MTMR2: variants seen among roughly 807,000 people sequenced by gnomAD.
MTMR2 encodes myotubularin related protein 2, also known as phosphatidylinositol-3,5-bisphosphate 3-phosphatase MTMR2.
In MTMR2, 55 loss-of-function variants were observed where a neutral mutation model predicts 86.9. The observed-to-expected ratio is 0.63, with a 90% CI of 0.51 to 0.79. MTMR2 has a LOEUF of 0.79. Among genes scored for constraint, MTMR2 ranks in the 30% least tolerant of loss-of-function variants. The pLI is 0.00. For synonymous variants in MTMR2, 241 were observed against 266.8 expected (o/e 0.90, Z 0.94); for missense variants, 659 against 772.3 (o/e 0.85, Z 1.74).
chr11:95,853,064 G>A (rs1864082604), intron 7 of MTMR2, among the ~76,000 whole-genome samples: 1 of 148,586 alleles, frequency 6.7e-6, no homozygotes, highest in South Asian at 2.1e-4. Context: ...TATATACACA[G>A]TTCACTGTAC....
At chr11:95,844,223 T>C (rs1412004424) in intron 11 of MTMR2, among the ~76,000 whole-genome samples, 2 of 152,178 alleles carry the variant, frequency 1.3e-5, no homozygotes, top group Admixed American at 6.5e-5. Context: ...GGCCGTTTCA[T>C]GATAAGTACA....
chr11:95,872,014 T>C (rs186547985), intron 2 of MTMR2, among the ~76,000 whole-genome samples: 33 of 152,348 alleles, frequency 2.2e-4, no homozygotes, highest in African/African-American at 7.5e-4. Context: ...TTTCTTGTTT[T>C]TGTCAGGTTT....
rs754277194 is a variant in MTMR2, at chr11:95,835,281, T to C, written c.*9A>G. 1.9e-6 allele frequency: 3 copies of C among 1,612,460 alleles called. No homozygotes were observed. The highest frequency in any genetic ancestry group is 2.5e-6 in the Non-Finnish European group (3 of 1,178,924). The stretch of plus-strand genomic sequence containing the variant: ...TGTATAGCAATGATGCCCCTGATCT[T>C]ACAGTCCTTTATACAACAGTTTGGA... On this transcript the variant is annotated 3_prime_UTR_variant, in exon 15 of 15. Transcript: ENST00000346299.
chr11:95,916,602 A>C (rs1291970022), intron 1 of MTMR2, among the ~76,000 whole-genome samples: 1 of 152,128 alleles, frequency 6.6e-6, no homozygotes, highest in Non-Finnish European at 1.5e-5. Flanking sequence ...TCCTATATTA[A>C]GCCACTGTCA....
intron 2 of MTMR2, among the ~76,000 whole-genome samples, chr11:95,867,560 A>G (rs1343147691): frequency 6.6e-6 from 1 of 152,208 alleles, no homozygotes; most frequent in East Asian, 1.9e-4. Context: ...GGCAATGAAA[A>G]GAAGCAATAC....
chr11:95,886,527 C>T (rs1235409891), intron 2 of MTMR2, among the ~76,000 whole-genome samples: 1 of 152,132 alleles, frequency 6.6e-6, no homozygotes, highest in African/African-American at 2.4e-5. Flanking sequence ...TTCATCTATC[C>T]ATTTTCAGCA....
At chr11:95,885,099 A>G (rs1312956423) in intron 2 of MTMR2, among the ~76,000 whole-genome samples, 1 of 152,110 alleles carries the variant, frequency 6.6e-6, no homozygotes, top group Non-Finnish European at 1.5e-5. Flanking sequence ...CTGCAAACAG[A>G]GCTGATGTAT....
intron 1 of MTMR2, among the ~76,000 whole-genome samples, chr11:95,891,346 G>C (rs1054862815): frequency 6.6e-6 from 1 of 151,954 alleles, no homozygotes; most frequent in Non-Finnish European, 1.5e-5. Context: ...AGCTACTCGG[G>C]AGGCTGAAGC....
intron 1 of MTMR2, among the ~76,000 whole-genome samples, chr11:95,918,914 G>A (rs1866809188): frequency 6.6e-6 from 1 of 152,122 alleles, no homozygotes; most frequent in Non-Finnish European, 1.5e-5. Context: ...ACAACCCACT[G>A]CAGCCTCAAC....
chr11:95,909,388 G>C (rs571692444), intron 1 of MTMR2, among the ~76,000 whole-genome samples: 46 of 152,210 alleles, frequency 3.0e-4, no homozygotes, highest in Admixed American at 2.5e-3. Context: ...ATGAAGTTTG[G>C]TACCTACTAC....
intron 1 of MTMR2, among the ~76,000 whole-genome samples, chr11:95,899,102 G>C (rs525087): frequency 6.6e-6 from 1 of 151,934 alleles, no homozygotes; most frequent in Non-Finnish European, 1.5e-5. Flanking sequence ...ACAATAAGTC[G>C]AAGAATAGAT....
chr11:95,875,141 CTGCCTTGCTAGATT>C (rs1865055598), intron 2 of MTMR2, among the ~76,000 whole-genome samples: 1 of 152,044 alleles, frequency 6.6e-6, no homozygotes, highest in African/African-American at 2.4e-5. Context: ...GAATGTTGGC[CTGCCTTGCTAGATT>C]GGGGAAGTTC....
intron 9 of MTMR2, among the ~76,000 whole-genome samples, 186 bp downstream of exon 9, chr11:95,849,488 A>G (rs768961433): frequency 9.2e-5 from 14 of 152,176 alleles, no homozygotes; most frequent in Non-Finnish European, 1.8e-4. Context: ...ATTTTTACCA[A>G]TAAACAAATT....
intron 2 of MTMR2, among the ~76,000 whole-genome samples, chr11:95,867,898 C>T (rs1864677070): frequency 6.6e-6 from 1 of 151,120 alleles, no homozygotes; most frequent in Non-Finnish European, 1.5e-5. Context: ...GAAAATAATT[C>T]TCTATAGGCA....
At chr11:95,917,555 C>T (rs941531075) in intron 1 of MTMR2, among the ~76,000 whole-genome samples, 5 of 152,068 alleles carry the variant, frequency 3.3e-5, no homozygotes, top group Non-Finnish European at 7.4e-5. Context: ...ATTTTGACTC[C>T]CCAAACTACT....
At chr11:95,899,139 G>A (rs543494817) in intron 1 of MTMR2, among the ~76,000 whole-genome samples, 1 of 152,262 alleles carries the variant, frequency 6.6e-6, no homozygotes, top group East Asian at 1.9e-4. Context: ...TCTGTTACAA[G>A]ACTATTAGGA....
chr11:95,923,727 G>A lies in MTMR2; in HGVS notation c.80+148C>T. On this transcript the variant is annotated intron_variant, in intron 1 of 14. Coordinates refer to ENST00000346299, the MANE Select transcript of MTMR2 (RefSeq NM_016156.6). ...TCAGCCTCCACGCCCCAGGGAGGGAGGCAGAAGTGGTTCCCAAGTCCCGGG... is the reference window on the plus strand; with the variant it reads ...TCAGCCTCCACGCCCCAGGGAGGGAAGCAGAAGTGGTTCCCAAGTCCCGGG... 2.7e-6 allele frequency: 4 copies of A among 1,463,534 alleles called. No homozygotes were observed. The South Asian group carries it at 5.6e-5, about 21-fold the overall frequency. 90.7% of individuals were successfully genotyped at this position (1,463,534 alleles called of 1,614,324 possible).
chr11:95,922,884 A>G (rs977338542), intron 1 of MTMR2, among the ~76,000 whole-genome samples: 10 of 146,140 alleles, frequency 6.8e-5, no homozygotes, highest in African/African-American at 2.2e-4. Context: ...ACTTCAACTG[A>G]TTGAAGGAGA....
At chr11:95,840,824 C>T (rs1490936570) in intron 12 of MTMR2, among the ~76,000 whole-genome samples, 2 of 152,170 alleles carry the variant, frequency 1.3e-5, no homozygotes, top group Admixed American at 1.3e-4. Context: ...ACTTGCCCTA[C>T]TTTAAATTCA....
Sources: gnomAD v4.1 joint callset for allele counts (sites outside exome capture counted in the v4.1 genomes callset) on GRCh38, gnomAD v4.1.1 for gene constraint, MANE v1.5 for transcripts, NCBI Gene and HGNC (gene_info 2026-07-23, HGNC 2026-07-21) for gene names.